The following SLCO3A1 variants were observed in gnomAD, a reference collection of about 807,000 sequenced individuals.
SLCO3A1 encodes the protein solute carrier organic anion transporter family member 3A1.
A neutral mutation model predicts 63.1 loss-of-function variants in SLCO3A1; 27 were observed. That is an observed-to-expected ratio of 0.43 (90% CI 0.32 to 0.59). The LOEUF (loss-of-function observed/expected upper bound fraction) is 0.59. Ranked by LOEUF, SLCO3A1 falls within the 20% of genes least tolerant of loss-of-function variation. The pLI, the probability that SLCO3A1 is intolerant of heterozygous loss-of-function variation, is 0.09. For missense variants in SLCO3A1, 773 were observed against 945.8 expected (o/e 0.82, Z 2.40); for synonymous variants, 473 against 409.9 (o/e 1.15, Z -1.86).
intron 7 of SLCO3A1, among the ~76,000 whole-genome samples, chr15:92,135,961 A>T (rs1284121149): frequency 6.6e-6 from 1 of 152,136 alleles, no homozygotes; most frequent in East Asian, 1.9e-4. Flanking sequence ...TGAGGCCCCA[A>T]ACTTGAGACC....
chr15:92,008,463 C>G (rs1232887437), intron 2 of SLCO3A1, among the ~76,000 whole-genome samples: 1 of 152,206 alleles, frequency 6.6e-6, no homozygotes, highest in Non-Finnish European at 1.5e-5. Flanking sequence ...TATGAAGTAT[C>G]TAGCTGAGTT....
Position 91,872,969 on chromosome 15 carries a change from G to A in SLCO3A1, c.180+18881G>A, listed in dbSNP as rs151201394. ...CCCTGCTCCTGGCATGCAGCTACCT[G>A]CGTGCTCAGCACTCACCTGCGTTCC... On this transcript the variant is annotated intron_variant, in intron 1 of 9. Transcript: ENST00000318445. The surrounding 1 kb of genome is among the most constrained non-coding windows in gnomAD (Gnocchi z 4.1). 1.3e-5 allele frequency among the ~76,000 whole-genome samples: 2 copies of A among 152,188 alleles called. No individual in the cohort carries two copies. Among genetic ancestry groups the A allele is most frequent in the Non-Finnish European group, 2.9e-5 (2 of 68,018 alleles).
chr15:91,974,507 G>T (rs1054861874), intron 2 of SLCO3A1, among the ~76,000 whole-genome samples: 5 of 152,208 alleles, frequency 3.3e-5, no homozygotes, highest in Non-Finnish European at 5.9e-5. Flanking sequence ...CTGGAAACTA[G>T]AAGGTGAAGG....
intron 2 of SLCO3A1, among the ~76,000 whole-genome samples, chr15:92,020,869 A>AT (rs1418125310): frequency 6.6e-6 from 1 of 152,220 alleles, no homozygotes; most frequent in Non-Finnish European, 1.5e-5. Flanking sequence ...ACTTAGAAAT[A>AT]TTTTTAATCA....
chr15:92,123,408 G>A (rs183154180), intron 5 of SLCO3A1, among the ~76,000 whole-genome samples: 3,453 of 152,020 alleles, frequency 0.023, 63 homozygotes, highest in Admixed American at 0.042. Flanking sequence ...ACTTTGTCTC[G>A]AAAAATAAAA....
At chr15:91,947,164 C>G (rs959686926) in intron 2 of SLCO3A1, among the ~76,000 whole-genome samples, 6 of 152,218 alleles carry the variant, frequency 3.9e-5, no homozygotes, top group African/African-American at 1.4e-4. Flanking sequence ...AAGCTTCGCT[C>G]TTTGAAATAT....
In SLCO3A1 at chr15:91,900,238, A is replaced by G. The variant is rs867977489; in HGVS notation, c.181-15755A>G. ...TGTTCAACTGCTTTTCAAAGTGGCT[A>G]TAACCATTTTATCTTTTATGTTCCC... On this transcript the variant is annotated intron_variant, in intron 1 of 9. Coordinates refer to ENST00000318445, the MANE Select transcript of SLCO3A1 (RefSeq NM_013272.4). The surrounding 1 kb of genome is among the most constrained non-coding windows in gnomAD (Gnocchi z 4.3). 2.6e-5 allele frequency among the ~76,000 whole-genome samples: 4 copies of G among 152,234 alleles called. No individual in the cohort carries two copies. The highest frequency in any genetic ancestry group is 4.4e-5 in the Non-Finnish European group (3 of 68,030).
chr15:92,143,121 G>C lies in SLCO3A1; in HGVS notation c.1513-3863G>C, dbSNP rs2048157233. 2.7e-5 allele frequency among the ~76,000 whole-genome samples: 4 copies of C among 150,490 alleles called. No homozygotes were observed. The South Asian group carries it at 8.4e-4, about 32-fold the overall frequency. Reference sequence around the variant, plus strand: ...GGGGTACTGGAATTGAGGGATTCCTGGGGTACTTAGCCAAACAAGACCACA... The same window carrying C: ...GGGGTACTGGAATTGAGGGATTCCTCGGGTACTTAGCCAAACAAGACCACA... On this transcript the variant is annotated intron_variant, in intron 7 of 9. Coordinates refer to ENST00000318445, the MANE Select transcript of SLCO3A1 (RefSeq NM_013272.4).
chr15:91,949,287 G>T (rs149272165), intron 2 of SLCO3A1, among the ~76,000 whole-genome samples: 1 of 152,254 alleles, frequency 6.6e-6, no homozygotes, highest in African/African-American at 2.4e-5. Context: ...TGCATGATCC[G>T]GCACTAGGTT....
intron 1 of SLCO3A1, among the ~76,000 whole-genome samples, chr15:91,861,104 G>A (rs1256715070): frequency 6.6e-6 from 1 of 152,192 alleles, no homozygotes; most frequent in Non-Finnish European, 1.5e-5. Context: ...TGTTTTAGGT[G>A]AGTTTTTAGA....
rs1019687938 is a variant in SLCO3A1, at chr15:91,968,272, G to A, written c.646+51814G>A. Among the ~76,000 whole-genome samples, 12 of 152,042 alleles carry A rather than the reference G, an allele frequency of 7.9e-5. No individual in the cohort carries two copies. Among genetic ancestry groups the A allele is most frequent in the African/African-American group, 2.9e-4 (12 of 41,362 alleles). On this transcript the variant is annotated intron_variant, in intron 2 of 9. Transcript: ENST00000318445. The surrounding 1 kb of genome is among the most constrained non-coding windows in gnomAD (Gnocchi z 4.2). Reference sequence around the variant, plus strand: ...TACAGTCTTTTACTTCTCCACCTGGGGAAAACAGCAGATGGAGGAGAGGAA... The same window carrying A: ...TACAGTCTTTTACTTCTCCACCTGGAGAAAACAGCAGATGGAGGAGAGGAA...
At chr15:92,074,321 C>G (rs908921322) in intron 2 of SLCO3A1, among the ~76,000 whole-genome samples, 1 of 152,150 alleles carries the variant, frequency 6.6e-6, no homozygotes, top group African/African-American at 2.4e-5. Flanking sequence ...AACACCAACC[C>G]GAAAGATGCA....
chr15:92,166,509 C>A (rs2048494374), downstream of SLCO3A1, among the ~76,000 whole-genome samples: 2 of 152,182 alleles, frequency 1.3e-5, no homozygotes, highest in Non-Finnish European at 2.9e-5. Flanking sequence ...ACATTCCAGT[C>A]CCCCGATTCC....
intron 2 of SLCO3A1, among the ~76,000 whole-genome samples, chr15:91,953,428 G>T (rs577123600): frequency 6.6e-6 from 1 of 151,966 alleles, no homozygotes; most frequent in African/African-American, 2.4e-5. Flanking sequence ...TGAATGCGGT[G>T]GGGGGAGGAA....
At chr15:91,982,510 A>C (rs1597185782) in intron 2 of SLCO3A1, among the ~76,000 whole-genome samples, 1 of 152,362 alleles carries the variant, frequency 6.6e-6, no homozygotes, top group East Asian at 1.9e-4. Flanking sequence ...CCTTGGTTCA[A>C]ACAACATCTT....
At chr15:92,090,961 G>T (rs988418224) in intron 2 of SLCO3A1, among the ~76,000 whole-genome samples, 1 of 152,148 alleles carries the variant, frequency 6.6e-6, no homozygotes, top group Non-Finnish European at 1.5e-5. Context: ...AATGTACTTT[G>T]CCCAAAGGTT....
intron 9 of SLCO3A1, among the ~76,000 whole-genome samples, chr15:92,154,556 G>C (rs1038670168): frequency 1.3e-5 from 2 of 152,244 alleles, no homozygotes; most frequent in South Asian, 2.1e-4. Flanking sequence ...TCATGGGTCA[G>C]AGTGAGGAAA....
intron 2 of SLCO3A1, among the ~76,000 whole-genome samples, chr15:92,073,638 C>CGGTGT (rs2047242164): frequency 6.6e-6 from 1 of 152,212 alleles, no homozygotes; most frequent in Non-Finnish European, 1.5e-5. Flanking sequence ...AATTGCACTT[C>CGGTGT]GGTGGCTTTT....
intron 7 of SLCO3A1, among the ~76,000 whole-genome samples, chr15:92,139,857 T>C (rs1260431155): frequency 6.7e-6 from 1 of 148,936 alleles, no homozygotes; most frequent in African/African-American, 2.5e-5. Context: ...TCTATTTGAT[T>C]CTTCTCTCTT....
Sources: allele counts gnomAD v4.1 joint callset (sites outside exome capture counted in the v4.1 genomes callset), GRCh38; gene constraint gnomAD v4.1.1; non-coding constraint Gnocchi (gnomAD v3.1); transcripts MANE v1.5; gene names NCBI Gene and HGNC (gene_info 2026-07-23, HGNC 2026-07-21).